MESP1: variants seen among roughly 807,000 people sequenced by gnomAD.
The protein encoded by MESP1 is mesoderm posterior protein 1.
In MESP1, 22 loss-of-function variants were observed where a neutral mutation model predicts 15.2. The observed-to-expected ratio is 1.45, with a 90% CI of 1.04 to 2.07. The LOEUF (loss-of-function observed/expected upper bound fraction) is 2.07, where lower values mean the gene tolerates loss of function less well. Ranked by LOEUF, MESP1 falls within the 30% of genes most tolerant of loss-of-function variation. The pLI, the probability that MESP1 is intolerant of heterozygous loss-of-function variation, is 0.00. For synonymous variants in MESP1, 216 were observed against 192.6 expected (o/e 1.12, Z -1.01); for missense variants, 484 against 411.9 (o/e 1.17, Z -1.51).
the MESP1 span, among the ~76,000 whole-genome samples, chr15:89,744,672 A>G: frequency 6.6e-6 from 1 of 152,224 alleles, no homozygotes; most frequent in Non-Finnish European, 1.5e-5. Context: ...TCCATAGCAA[A>G]TGCTAGAAAC....
chr15:89,734,530 T>G, the MESP1 span, among the ~76,000 whole-genome samples: 1 of 152,170 alleles, frequency 6.6e-6, no homozygotes, highest in Non-Finnish European at 1.5e-5. Flanking sequence ...TTTGCTAATG[T>G]CCCATTGGGC....
At chr15:89,740,567 T>C in the MESP1 span, among the ~76,000 whole-genome samples, 1 of 152,212 alleles carries the variant, frequency 6.6e-6, no homozygotes, top group African/African-American at 2.4e-5. Flanking sequence ...ACTGGCGCGA[T>C]CTCGGCTCAC....
chr15:89,734,982 G>A, the MESP1 span, among the ~76,000 whole-genome samples: 17 of 149,366 alleles, frequency 1.1e-4, no homozygotes, highest in Admixed American at 8.0e-4. Flanking sequence ...CCTTCCCTCC[G>A]TCCCTCCTTC....
chr15:89,737,436 T>C, the MESP1 span: 2 of 1,177,294 alleles, frequency 1.7e-6, no homozygotes, highest in Non-Finnish European at 2.4e-6. Context: ...CAGCCCTGGA[T>C]GGATCCAGAG....
rs1268975181 is a variant in MESP1 at position 89,750,872 on chromosome 15, C to G, written c.360G>C (p.Leu120=). ...CCAGGCGCAGCGTCTCGATCTTGGT[C>G]AGGCTCTGGCCCGCGGGCGCCACGG... is the stretch of plus-strand genomic sequence containing the variant. ...PPSVAPAGQS[L]TKIETLRLAI... The change falls in exon 1 of 2, where the codon CTG becomes CTC. Residue 120 remains leucine, a synonymous_variant. Transcript: ENST00000300057. The G allele has an allele frequency of 2.0e-6, 3 of 1,524,674 alleles. No individual in the cohort carries two copies. Among genetic ancestry groups the G allele is most frequent in the Admixed American group, 2.0e-5 (1 of 49,796 alleles). The allele number at this position is 1,524,674 out of a possible 1,614,324, so 94.4% of individuals were successfully genotyped here. A position where few individuals can be genotyped will look rare whatever the true frequency, so the allele number is the denominator to read the frequency against.
Position 89,750,235 on chromosome 15 carries a change from G to A in MESP1, c.724-8C>T, listed in dbSNP as rs1968056196. On this transcript the variant is annotated splice_polypyrimidine_tract_variant and splice_region_variant and intron_variant, in intron 1 of 1. Transcript: ENST00000300057. The stretch of plus-strand genomic sequence containing the variant: ...CACGTCGCCCGGAAGGAGCTGTAGG[G>A]AGAGACGGAACAGCGCAGCCCTCAA... 4 of 1,613,756 alleles carry A rather than the reference G, an allele frequency of 2.5e-6. No individual in the cohort carries two copies. Among genetic ancestry groups the A allele is most frequent in the Non-Finnish European group, 3.4e-6 (4 of 1,179,876 alleles).
At chr15:89,742,261 A>G in the MESP1 span, among the ~76,000 whole-genome samples, 1 of 152,142 alleles carries the variant, frequency 6.6e-6, no homozygotes, top group African/African-American at 2.4e-5. Flanking sequence ...TAATTAAATT[A>G]ATTAAAATCT....
intron 1 of MESP1, 109 bp from the exon 2 acceptor site, chr15:89,750,336 T>C: frequency 2.0e-6 from 3 of 1,537,690 alleles, no homozygotes; most frequent in Non-Finnish European, 2.7e-6. Context: ...GGAGACCCAG[T>C]CCTCTGCGTG....
the MESP1 span, among the ~76,000 whole-genome samples, chr15:89,740,311 T>G: frequency 6.6e-6 from 1 of 152,110 alleles, no homozygotes; most frequent in Non-Finnish European, 1.5e-5. Flanking sequence ...CTTCCTGCAT[T>G]GTAGTGGGTC....
chr15:89,734,828 A>C, the MESP1 span, among the ~76,000 whole-genome samples: 2 of 151,840 alleles, frequency 1.3e-5, no homozygotes, highest in African/African-American at 4.8e-5. Context: ...CTGTGAAAAG[A>C]ACAAAAATTA....
At chr15:89,735,408 C>G in the MESP1 span, 1 of 1,412,716 alleles carries the variant, frequency 7.1e-7, no homozygotes, top group Non-Finnish European at 1.0e-6. Flanking sequence ...CTGAATTTCT[C>G]CAGGATATAT....
the MESP1 span, among the ~76,000 whole-genome samples, chr15:89,734,981 C>T: frequency 4.0e-5 from 6 of 151,144 alleles, no homozygotes; most frequent in South Asian, 2.1e-4. Flanking sequence ...TCCTTCCCTC[C>T]GTCCCTCCTT....
At chr15:89,733,318 C>A in the MESP1 span, 4 of 1,119,548 alleles carry the variant, frequency 3.6e-6, no homozygotes, top group South Asian at 4.5e-5. Flanking sequence ...TACAGTCCAC[C>A]TTTTGTATAG....
the MESP1 span, chr15:89,743,536 G>A: frequency 1.1e-5 from 8 of 709,750 alleles, no homozygotes; most frequent in East Asian, 2.2e-4. Flanking sequence ...GAGCCAGCAA[G>A]GGGAAAAGTA....
rs1241561041 is a variant in MESP1 at position 89,750,936 on chromosome 15, G to A, written c.296C>T (p.Ala99Val). Reference protein sequence around the residue: ...EREKLRMRTLARALHELRRFL... With the variant: ...EREKLRMRTLVRALHELRRFL... Reference sequence around the variant, plus strand: ...GCGGCGCAGCTCGTGCAGGGCGCGGGCCAGCGTGCGCATGCGCAGTTTCTC... The same window carrying A: ...GCGGCGCAGCTCGTGCAGGGCGCGGACCAGCGTGCGCATGCGCAGTTTCTC... Residue 99 changes from alanine to valine, a missense_variant, in exon 1 of 2, where the codon GCC (alanine) becomes GTC (valine). Ala to Val is a moderately conservative substitution (Grantham distance 64). Coordinates refer to ENST00000300057, the MANE Select transcript of MESP1 (RefSeq NM_018670.4). 14 of 1,456,052 alleles carry A rather than the reference G, an allele frequency of 9.6e-6. No individual in the cohort carries two copies. The highest frequency in any genetic ancestry group is 1.3e-5 in the Non-Finnish European group (14 of 1,108,042). 90.2% of individuals were successfully genotyped at this position (1,456,052 alleles called of 1,614,324 possible). A position where few individuals can be genotyped will look rare whatever the true frequency, so the allele number is the denominator to read the frequency against.
At chr15:89,740,269 T>C in the MESP1 span, among the ~76,000 whole-genome samples, 1 of 152,188 alleles carries the variant, frequency 6.6e-6, no homozygotes, top group Non-Finnish European at 1.5e-5. Context: ...GCTTCCTAGC[T>C]CATACCTGCA....
At chr15:89,743,682 C>T in the MESP1 span, 1 of 388,888 alleles carries the variant, frequency 2.6e-6, no homozygotes, top group Non-Finnish European at 4.8e-6. Flanking sequence ...CCCACGCAGT[C>T]CAGACCCCAG....
chr15:89,750,792 A>G lies in MESP1; in HGVS notation c.440T>C (p.Leu147Pro). 6.6e-7 allele frequency: 1 copy of G among 1,520,670 alleles called. No individual in the cohort carries two copies. The highest frequency in any genetic ancestry group is 8.8e-7 in the Non-Finnish European group (1 of 1,140,358). The allele number at this position is 1,520,670 out of a possible 1,614,324, so 94.2% of individuals were successfully genotyped here. Residue 147 changes from leucine (L) to proline (P), a missense_variant, in exon 1 of 2, where the codon CTC becomes CCC. By Grantham distance (98) the Leu-to-Pro change is moderately conservative. Transcript: ENST00000300057. ...SAVLGLSEESLQRRCRQRGDA... is the reference protein window; with the variant it reads ...SAVLGLSEESPQRRCRQRGDA... ...ACCGCGCTGCCGGCACCGGCGCTGG[A>G]GACTCTCCTCGCTGAGGCCTAGCAC...
At chr15:89,737,584 T>C in the MESP1 span, 1 of 1,614,222 alleles carries the variant, frequency 6.2e-7, no homozygotes, top group East Asian at 2.2e-5. Flanking sequence ...TGCTCATCTT[T>C]TCCAAGAATG....
Sources: allele counts gnomAD v4.1 joint callset (sites outside exome capture counted in the v4.1 genomes callset), GRCh38; gene constraint gnomAD v4.1.1; transcripts MANE v1.5; gene names NCBI Gene and HGNC (gene_info 2026-07-23, HGNC 2026-07-21).